The following LRRC4C variants were observed in gnomAD, a reference collection of about 807,000 sequenced individuals.
LRRC4C encodes leucine rich repeat containing 4C.
A neutral mutation model predicts 33.6 loss-of-function variants in LRRC4C; 5 were observed. The ratio of observed to expected loss-of-function variants is 0.15; its 90% CI spans 0.08 to 0.31. The LOEUF is 0.31. Among genes scored for constraint, LRRC4C ranks in the 10% least tolerant of loss-of-function variants. The pLI is 1.00. For missense variants in LRRC4C, 560 were observed against 796.7 expected (o/e 0.70, Z 3.58); for synonymous variants, 329 against 302.0 (o/e 1.09, Z -0.93).
At chr11:40,494,671 T>C (rs1203904778) in intron 3 of LRRC4C, among the ~76,000 whole-genome samples, 1 of 152,140 alleles carries the variant, frequency 6.6e-6, no homozygotes, top group East Asian at 1.9e-4. Context: ...TATGCCCTGG[T>C]AAAGATGAAA....
intron 2 of LRRC4C, among the ~76,000 whole-genome samples, chr11:40,778,962 G>A (rs1950115447): frequency 6.6e-6 from 1 of 152,138 alleles, no homozygotes; most frequent in Non-Finnish European, 1.5e-5. Flanking sequence ...TTTTAGGCAG[G>A]AGATGACATG....
chr11:41,093,749 T>C (rs1320544996), intron 1 of LRRC4C, among the ~76,000 whole-genome samples: 1 of 151,980 alleles, frequency 6.6e-6, no homozygotes. Flanking sequence ...AAAATGTATA[T>C]TTGATGCTCC....
At chr11:41,007,436 C>T (rs1854837298) in intron 1 of LRRC4C, among the ~76,000 whole-genome samples, 2 of 151,994 alleles carry the variant, frequency 1.3e-5, no homozygotes, top group African/African-American at 2.4e-5. Flanking sequence ...AGGAAACAGA[C>T]ATTTTTATAT....
At chr11:40,521,010 A>G (rs1025827985) in intron 3 of LRRC4C, among the ~76,000 whole-genome samples, 1 of 151,178 alleles carries the variant, frequency 6.6e-6, no homozygotes, top group Admixed American at 6.6e-5. Context: ...TCCATTGCTT[A>G]AAAAAAAAGC....
intron 2 of LRRC4C, among the ~76,000 whole-genome samples, chr11:40,715,288 T>G (rs1331706912): frequency 6.6e-6 from 1 of 152,146 alleles, no homozygotes; most frequent in African/African-American, 2.4e-5. Flanking sequence ...AATAGAAACC[T>G]TAGAAAATAG....
intron 1 of LRRC4C, among the ~76,000 whole-genome samples, chr11:41,018,167 G>A (rs1413371667): frequency 6.6e-6 from 1 of 152,086 alleles, no homozygotes; most frequent in Non-Finnish European, 1.5e-5. Flanking sequence ...ACCAAAATAA[G>A]TTAGAAAAAT....
chr11:41,045,702 AC>A (rs1337893255), intron 1 of LRRC4C, among the ~76,000 whole-genome samples: 1 of 152,150 alleles, frequency 6.6e-6, no homozygotes, highest in Non-Finnish European at 1.5e-5. Flanking sequence ...TCTCAGTAAC[AC>A]AGAGAAAGCC....
At chr11:41,141,404 A>C (rs1943499606) in intron 1 of LRRC4C, among the ~76,000 whole-genome samples, 1 of 152,158 alleles carries the variant, frequency 6.6e-6, no homozygotes, top group African/African-American at 2.4e-5. Flanking sequence ...GCTCATTAAA[A>C]AGTTTGAAAA....
Position 41,159,503 on chromosome 11 carries a change from G to A in LRRC4C, c.-495-225780C>T, listed in dbSNP as rs148077464. 8.6e-4 allele frequency among the ~76,000 whole-genome samples: 131 copies of A among 152,034 alleles called. 1 individual carries two copies. The highest frequency in any genetic ancestry group is 3.1e-3 in the African/African-American group (128 of 41,484). On this transcript the variant is annotated intron_variant, in intron 1 of 6. Transcript: ENST00000528697. ...CTGTCTGAGAGGAGTATGAGAATTA[G>A]CTAAAAGAAACAATGAGCAGACAGA...
At chr11:40,156,273 T>A (rs1164253793) in intron 5 of LRRC4C, among the ~76,000 whole-genome samples, 1 of 152,034 alleles carries the variant, frequency 6.6e-6, no homozygotes, top group Admixed American at 6.6e-5. Context: ...TTGAAAGCAT[T>A]CCCTCTGAAT....
intron 3 of LRRC4C, among the ~76,000 whole-genome samples, chr11:40,527,996 C>T (rs34145415): frequency 0.18 from 27,676 of 151,960 alleles, 3,133 homozygotes; most frequent in African/African-American, 0.32. Flanking sequence ...TCCGCCTGCC[C>T]TGGCCTCCCA....
At chr11:41,217,280 G>A (rs1021004347) in intron 1 of LRRC4C, among the ~76,000 whole-genome samples, 7 of 152,044 alleles carry the variant, frequency 4.6e-5, no homozygotes, top group Non-Finnish European at 1.0e-4. Flanking sequence ...CAACTATCTG[G>A]TAACTATTGT....
chr11:40,461,534 T>C (rs1452718386), intron 3 of LRRC4C, among the ~76,000 whole-genome samples: 1 of 152,032 alleles, frequency 6.6e-6, no homozygotes, highest in Non-Finnish European at 1.5e-5. Context: ...ACATACTCAG[T>C]GCTCAGCAAA....
At chr11:41,148,370 A>G (rs553653091) in intron 1 of LRRC4C, among the ~76,000 whole-genome samples, 1 of 152,138 alleles carries the variant, frequency 6.6e-6, no homozygotes, top group Non-Finnish European at 1.5e-5. Flanking sequence ...TAGCCTGGGC[A>G]ACAGAGCAAG....
intron 1 of LRRC4C, among the ~76,000 whole-genome samples, chr11:41,356,778 A>G (rs2922043): frequency 0.82 from 123,940 of 152,052 alleles, 50,765 homozygotes; most frequent in Admixed American, 0.87. Flanking sequence ...CTACCGATGA[A>G]CTTTCTACAA....
chr11:40,722,312 G>C (rs902470671), intron 2 of LRRC4C, among the ~76,000 whole-genome samples: 1 of 152,132 alleles, frequency 6.6e-6, no homozygotes, highest in African/African-American at 2.4e-5. Flanking sequence ...GAGAGAGCAC[G>C]GCTGCACATG....
intron 3 of LRRC4C, among the ~76,000 whole-genome samples, chr11:40,491,447 G>A (rs903827361): frequency 5.3e-5 from 8 of 152,100 alleles, no homozygotes; most frequent in African/African-American, 9.7e-5. Flanking sequence ...GCACTTACAC[G>A]GTTGCAGTCA....
At chr11:40,622,975 T>A (rs1962597214) in intron 3 of LRRC4C, among the ~76,000 whole-genome samples, 1 of 151,846 alleles carries the variant, frequency 6.6e-6, no homozygotes, top group South Asian at 2.1e-4. Context: ...TATTATTATT[T>A]TTATTTAAAT....
intron 2 of LRRC4C, among the ~76,000 whole-genome samples, chr11:40,920,924 G>GTTT (rs35422765): frequency 5.5e-5 from 8 of 145,186 alleles, no homozygotes; most frequent in African/African-American, 1.0e-4. Context: ...CATAATCAAG[G>GTTT]TTTTTTTTTT....
Sources: gnomAD v4.1 joint callset for allele counts (sites outside exome capture counted in the v4.1 genomes callset) on GRCh38, gnomAD v4.1.1 for gene constraint, MANE v1.5 for transcripts, NCBI Gene and HGNC (gene_info 2026-07-23, HGNC 2026-07-21) for gene names.